The following ASTN2 variants were observed in gnomAD, a reference collection of about 807,000 sequenced individuals.
The protein encoded by ASTN2 is astrotactin-2.
Under a neutral mutation model 139.8 loss-of-function variants are expected in ASTN2, and 54 were observed. The ratio of observed to expected loss-of-function variants is 0.39; its 90% CI spans 0.31 to 0.48. ASTN2 has a LOEUF of 0.48. Ranked by LOEUF, ASTN2 falls within the 20% of genes least tolerant of loss-of-function variation. The pLI, the probability that ASTN2 is intolerant of heterozygous loss-of-function variation, is 0.95. For missense variants in ASTN2, 1,565 were observed against 1,725.1 expected, an observed-to-expected ratio of 0.91 and a Z score of 1.64; for synonymous variants, 756 against 719.5, an observed-to-expected ratio of 1.05 and a Z score of -0.81.
At chr9:117,369,046 T>C (rs554094529) in intron 1 of ASTN2, among the ~76,000 whole-genome samples, 60 of 152,278 alleles carry the variant, frequency 3.9e-4, no homozygotes, top group African/African-American at 1.4e-3. Flanking sequence ...CACAAGATAA[T>C]ACTTGCCAAC....
At position 117,158,677 on chromosome 9, in the gene ASTN2, C is replaced by G. The variant is rs114370344; in HGVS notation, c.1016-17199G>C. Among the ~76,000 whole-genome samples, 520 of 152,110 alleles carry G rather than the reference C, an allele frequency of 3.4e-3. 4 individuals carry two copies. The highest frequency in any genetic ancestry group is 0.012 in the African/African-American group (508 of 41,524). On this transcript the variant is annotated intron_variant, in intron 3 of 22. Transcript: ENST00000313400. ...CCTAGACTCTGGGATTTTGTCAAGACTAGAAGATTCAGGCAGATAGCCAGG... is the reference window on the plus strand; with the variant it reads ...CCTAGACTCTGGGATTTTGTCAAGAGTAGAAGATTCAGGCAGATAGCCAGG...
intron 1 of ASTN2, among the ~76,000 whole-genome samples, chr9:117,325,918 T>C (rs550829581): frequency 1.3e-5 from 2 of 152,154 alleles, no homozygotes; most frequent in African/African-American, 4.8e-5. Flanking sequence ...GCAGAAGAGA[T>C]GGAAGAACAG....
At chr9:117,328,542 T>C (rs531878070) in intron 1 of ASTN2, among the ~76,000 whole-genome samples, 2 of 152,250 alleles carry the variant, frequency 1.3e-5, no homozygotes, top group African/African-American at 4.8e-5. Flanking sequence ...ACTGAGTCCA[T>C]TGGTATTCTC....
At chr9:117,359,524 T>C (rs1466477364) in intron 1 of ASTN2, among the ~76,000 whole-genome samples, 1 of 152,198 alleles carries the variant, frequency 6.6e-6, no homozygotes, top group East Asian at 1.9e-4. Flanking sequence ...TATGTACGCA[T>C]GTAGGTCCCA....
At chr9:116,706,961 G>A (rs1828004398) in intron 16 of ASTN2, among the ~76,000 whole-genome samples, 3 of 151,892 alleles carry the variant, frequency 2.0e-5, no homozygotes, top group African/African-American at 7.3e-5. Context: ...TGGGTCATGT[G>A]TCTTGGTCGA....
chr9:117,338,072 TCA>T (rs1267400171), intron 1 of ASTN2, among the ~76,000 whole-genome samples: 1 of 152,178 alleles, frequency 6.6e-6, no homozygotes, highest in Non-Finnish European at 1.5e-5. Context: ...ATCTACAACT[TCA>T]CAGTGTTTAA....
chr9:117,216,975 A>G (rs907701744), intron 2 of ASTN2, among the ~76,000 whole-genome samples: 2 of 152,218 alleles, frequency 1.3e-5, no homozygotes, highest in Non-Finnish European at 2.9e-5. Flanking sequence ...GTAAGTAACT[A>G]GCTTGAAGTC....
At position 116,565,375 on chromosome 9, in the gene ASTN2, C is replaced by CTT. The variant is rs1292170051; in HGVS notation, c.3355+52948_3355+52949insAA. On this transcript the variant is annotated intron_variant, in intron 19 of 22. Transcript: ENST00000313400. ...TTTCTCTCTCTCTCTCTCTCTCTCT[C>CTT]TCTCTCTCTCTCCATATATATATAT... is the stretch of plus-strand genomic sequence containing the variant. Among the ~76,000 whole-genome samples the CTT allele has an allele frequency of 1.7e-3, 53 of 30,612 alleles. 1 individual carries two copies. Among genetic ancestry groups the CTT allele is most frequent in the African/African-American group, 7.8e-3 (50 of 6,392 alleles). The allele number at this position is 30,612 out of a possible 152,430, so 20.1% of individuals were successfully genotyped here. A position where few individuals can be genotyped will look rare whatever the true frequency, so the allele number is the denominator to read the frequency against.
intron 22 of ASTN2, among the ~76,000 whole-genome samples, chr9:116,431,752 A>G (rs1426537106): frequency 6.6e-6 from 1 of 152,192 alleles, no homozygotes; most frequent in African/African-American, 2.4e-5. Context: ...CCCTAACCCA[A>G]TTTTAGAGTC....
intron 22 of ASTN2, among the ~76,000 whole-genome samples, chr9:116,427,950 T>G (rs1388657936): frequency 3.9e-5 from 6 of 152,270 alleles, no homozygotes; most frequent in African/African-American, 1.4e-4. Context: ...CTAAATCTGT[T>G]TCTTCATTTG....
intron 19 of ASTN2, among the ~76,000 whole-genome samples, chr9:116,505,690 T>C (rs1352347945): frequency 1.3e-5 from 2 of 152,206 alleles, no homozygotes; most frequent in African/African-American, 4.8e-5. Flanking sequence ...ACTAGAACTT[T>C]ACAGTGTACC....
chr9:117,135,635 C>T (rs1479689494), intron 4 of ASTN2, among the ~76,000 whole-genome samples: 5 of 152,148 alleles, frequency 3.3e-5, no homozygotes, highest in African/African-American at 7.2e-5. Context: ...GATGTATTTA[C>T]GACAGACTGC....
At chr9:116,536,667 A>G (rs1851644124) in intron 19 of ASTN2, among the ~76,000 whole-genome samples, 1 of 152,248 alleles carries the variant, frequency 6.6e-6, no homozygotes, top group Non-Finnish European at 1.5e-5. Flanking sequence ...GCTGCAGAAC[A>G]TCGAATATTG....
intron 11 of ASTN2, among the ~76,000 whole-genome samples, chr9:116,847,360 C>T (rs1045524195): frequency 1.2e-4 from 19 of 152,096 alleles, no homozygotes; most frequent in East Asian, 1.9e-4. Flanking sequence ...GTGATCTACC[C>T]GCCTTTGCCT....
At chr9:117,033,551 G>C in intron 6 of ASTN2, among the ~76,000 whole-genome samples, 1 of 152,226 alleles carries the variant, frequency 6.6e-6, no homozygotes, top group East Asian at 1.9e-4. Flanking sequence ...AGAGGAAGAC[G>C]TTTCCAAACC....
chr9:116,615,382 C>G (rs1462169999), intron 19 of ASTN2, among the ~76,000 whole-genome samples: 7 of 151,842 alleles, frequency 4.6e-5, no homozygotes, highest in Non-Finnish European at 5.9e-5. Flanking sequence ...TGGGTATATA[C>G]CCAAAGGATT....
At chr9:117,027,787 C>T (rs539537334) in intron 6 of ASTN2, among the ~76,000 whole-genome samples, 1 of 152,226 alleles carries the variant, frequency 6.6e-6, no homozygotes, top group South Asian at 2.1e-4. Flanking sequence ...TATAGTTATC[C>T]TAACATTTTA....
chr9:117,317,319 C>G (rs770098029), intron 1 of ASTN2, among the ~76,000 whole-genome samples: 1 of 152,144 alleles, frequency 6.6e-6, no homozygotes, highest in Non-Finnish European at 1.5e-5. Context: ...CACCATAAGT[C>G]CCAGTGGTCA....
intron 6 of ASTN2, among the ~76,000 whole-genome samples, chr9:117,032,092 A>G (rs558487266): frequency 6.7e-4 from 102 of 152,292 alleles, no homozygotes; most frequent in Non-Finnish European, 1.2e-3. Context: ...TAACAGTAAT[A>G]GGAGTTAGAC....
Sources: allele counts gnomAD v4.1 joint callset (sites outside exome capture counted in the v4.1 genomes callset), GRCh38; gene constraint gnomAD v4.1.1; transcripts MANE v1.5; gene names NCBI Gene and HGNC (gene_info 2026-07-23, HGNC 2026-07-21).